The following UBE2E2 variants were observed in gnomAD, a reference collection of about 807,000 sequenced individuals.
The protein encoded by UBE2E2 is ubiquitin-conjugating enzyme E2 E2.
UBE2E2 carries 6 observed loss-of-function variants against 24.7 expected under a neutral mutation model. The ratio of observed to expected loss-of-function variants is 0.24; its 90% confidence interval spans 0.13 to 0.48. The LOEUF is 0.48. UBE2E2 is among the 20% of genes least tolerant of loss of function. The pLI is 0.99. For missense variants in UBE2E2, 169 were observed against 245.0 expected (o/e 0.69, Z 2.07); for synonymous variants, 104 against 83.6 (o/e 1.24, Z -1.33).
At position 23,546,194 on chromosome 3, in the gene UBE2E2, C is replaced by T. The variant is rs202119440; in HGVS notation, c.508+13493C>T. On this transcript the variant is annotated intron_variant, in intron 5 of 5. Transcript: ENST00000396703. ...ACATTTTTAAAAATTTTTCAAAGAA[C>T]TTGATCTGATTGAAAAGTCACTGTA... 6.6e-5 allele frequency among the ~76,000 whole-genome samples: 10 copies of T among 152,208 alleles called. No individual in the cohort carries two copies. In the East Asian group the frequency reaches 1.9e-3, roughly 29 times the overall value.
At chr3:23,276,553 G>C (rs1698378814) in intron 3 of UBE2E2, among the ~76,000 whole-genome samples, 1 of 152,110 alleles carries the variant, frequency 6.6e-6, no homozygotes, top group Non-Finnish European at 1.5e-5. Flanking sequence ...CTGCTAAAAT[G>C]TATGAATCTT....
At chr3:23,533,688 A>G (rs1695182650) in intron 5 of UBE2E2, among the ~76,000 whole-genome samples, 1 of 133,644 alleles carries the variant, frequency 7.5e-6, no homozygotes, top group African/African-American at 3.0e-5. Context: ...CAGTGGCACG[A>G]TCTTGGCTCC....
At chr3:23,427,903 A>G (rs1697966216) in intron 3 of UBE2E2, among the ~76,000 whole-genome samples, 1 of 152,240 alleles carries the variant, frequency 6.6e-6, no homozygotes, top group Non-Finnish European at 1.5e-5. Context: ...TAACAACAGC[A>G]TATCAAAATA....
intron 3 of UBE2E2, among the ~76,000 whole-genome samples, chr3:23,296,942 C>A (rs1698927878): frequency 2.6e-5 from 4 of 152,170 alleles, no homozygotes; most frequent in Non-Finnish European, 1.5e-5. Context: ...AAAAGTCTTC[C>A]TATTTCTCCA....
At position 23,385,137 on chromosome 3, in the gene UBE2E2, G is replaced by T. The variant is rs568655288; in HGVS notation, c.228-114471G>T. 1.6e-4 allele frequency among the ~76,000 whole-genome samples: 24 copies of T among 152,262 alleles called. No individual in the cohort carries two copies. In the South Asian group the frequency reaches 3.5e-3, roughly 22 times the overall value. ...AATGATGGTTGTTAACTGCTTTAAA[G>T]AAATAATTTAATACTTTTTATGATG... is the stretch of plus-strand genomic sequence containing the variant. On this transcript the variant is annotated intron_variant, in intron 3 of 5. Coordinates refer to ENST00000396703, the MANE Select transcript of UBE2E2 (RefSeq NM_152653.4).
At chr3:23,351,301 A>C (rs1559357650) in intron 3 of UBE2E2, among the ~76,000 whole-genome samples, 1 of 152,260 alleles carries the variant, frequency 6.6e-6, no homozygotes, top group Non-Finnish European at 1.5e-5. Flanking sequence ...TGTAAAAACC[A>C]TCAAGGCTAG....
At chr3:23,513,762 G>T (rs1332216900) in intron 4 of UBE2E2, among the ~76,000 whole-genome samples, 1 of 152,094 alleles carries the variant, frequency 6.6e-6, no homozygotes, top group Non-Finnish European at 1.5e-5. Context: ...ATAAATAAAA[G>T]AATATTTATA....
intron 3 of UBE2E2, among the ~76,000 whole-genome samples, chr3:23,481,628 C>T (rs1179854477): frequency 2.0e-5 from 3 of 152,144 alleles, no homozygotes; most frequent in Non-Finnish European, 4.4e-5. Flanking sequence ...TTACAGCAGC[C>T]TCAGCTGTGC....
chr3:23,565,444 C>CT (rs574461544), intron 5 of UBE2E2, among the ~76,000 whole-genome samples: 9,910 of 46,268 alleles, frequency 0.21, 3,325 homozygotes, highest in Non-Finnish European at 0.26. Flanking sequence ...ATAGGCATGG[C>CT]TTTTTTTTTT....
intron 3 of UBE2E2, among the ~76,000 whole-genome samples, chr3:23,362,053 C>T (rs1195317891): frequency 2.6e-5 from 4 of 152,010 alleles, no homozygotes; most frequent in African/African-American, 4.8e-5. Context: ...AAATCAAATT[C>T]AGGAAGAAGG....
At chr3:23,295,224 C>CT (rs1469166898) in intron 3 of UBE2E2, among the ~76,000 whole-genome samples, 6 of 152,196 alleles carry the variant, frequency 3.9e-5, no homozygotes, top group Non-Finnish European at 7.3e-5. Context: ...CTCTCTGAAA[C>CT]TATCTCCCTT....
intron 3 of UBE2E2, among the ~76,000 whole-genome samples, chr3:23,325,670 AT>A (rs1265947214): frequency 6.6e-6 from 1 of 152,118 alleles, no homozygotes; most frequent in African/African-American, 2.4e-5. Flanking sequence ...TATTTGTTTC[AT>A]TTTTCACCAT....
intron 4 of UBE2E2, among the ~76,000 whole-genome samples, chr3:23,529,027 A>C (rs551652576): frequency 5.4e-4 from 82 of 152,218 alleles, no homozygotes; most frequent in Non-Finnish European, 1.0e-3. Flanking sequence ...AATTGTGCAG[A>C]GTGAAAAGAA....
intron 3 of UBE2E2, among the ~76,000 whole-genome samples, chr3:23,218,827 A>G (rs1168823733): frequency 6.6e-6 from 1 of 152,166 alleles, no homozygotes; most frequent in African/African-American, 2.4e-5. Flanking sequence ...TTATTTAAAT[A>G]AACAAATAAT....
In UBE2E2 at chr3:23,299,071, T is replaced by C. The variant is rs189482429; in HGVS notation, c.227+81759T>C. Among the ~76,000 whole-genome samples the C allele has an allele frequency of 5.0e-3, 763 of 152,334 alleles. 4 individuals are homozygous for C. The highest frequency in any genetic ancestry group is 7.0e-3 in the Non-Finnish European group (478 of 68,030). On this transcript the variant is annotated intron_variant, in intron 3 of 5. Coordinates refer to ENST00000396703, the MANE Select transcript of UBE2E2 (RefSeq NM_152653.4). ...TTTCTTCCAGATTTTCTAGTTTATTTGCATAGAGGTGTTTATAGTATTCTC... is the reference window on the plus strand; with the variant it reads ...TTTCTTCCAGATTTTCTAGTTTATTCGCATAGAGGTGTTTATAGTATTCTC...
intron 3 of UBE2E2, among the ~76,000 whole-genome samples, chr3:23,347,418 C>T (rs906297422): frequency 3.3e-5 from 5 of 152,118 alleles, no homozygotes; most frequent in Non-Finnish European, 7.3e-5. Context: ...ATGGATGAAG[C>T]TGGAAACCCT....
chr3:23,550,753 A>G (rs1258556063), intron 5 of UBE2E2, among the ~76,000 whole-genome samples: 1 of 152,192 alleles, frequency 6.6e-6, no homozygotes, highest in Non-Finnish European at 1.5e-5. Context: ...TTTCCAGGAT[A>G]CTGTACAAGG....
chr3:23,257,757 C>A (rs373905468), intron 3 of UBE2E2, among the ~76,000 whole-genome samples: 3 of 151,870 alleles, frequency 2.0e-5, no homozygotes, highest in African/African-American at 4.8e-5. Context: ...CTCTCTCTCT[C>A]TTAATTTGGA....
At position 23,576,533 on chromosome 3, in the gene UBE2E2, G is replaced by C. The variant is rs532006858; in HGVS notation, c.509-13201G>C. On this transcript the variant is annotated intron_variant, in intron 5 of 5. Transcript: ENST00000396703. ...CTGACTTCCTAGTAATCCTTGAGTA[G>C]AGACAGGACAAACATCTATGATGCA... 7.2e-5 allele frequency among the ~76,000 whole-genome samples: 11 copies of C among 152,282 alleles called. No individual in the cohort carries two copies. The East Asian group carries it at 1.3e-3, about 19-fold the overall frequency.
Sources: gnomAD v4.1 joint callset for allele counts (sites outside exome capture counted in the v4.1 genomes callset) on GRCh38, gnomAD v4.1.1 for gene constraint, MANE v1.5 for transcripts, NCBI Gene and HGNC (gene_info 2026-07-23, HGNC 2026-07-21) for gene names.